The following PRKCH variants were observed in gnomAD, a reference collection of about 807,000 sequenced individuals.
The protein encoded by PRKCH is protein kinase C eta type.
Under a neutral mutation model 82.5 loss-of-function variants are expected in PRKCH, and 28 were observed. The observed-to-expected ratio is 0.34, with a 90% CI of 0.25 to 0.47. The LOEUF is 0.47. Ranked by LOEUF, PRKCH falls within the 20% of genes least tolerant of loss-of-function variation. PRKCH has a pLI of 1.00. For missense variants in PRKCH, 705 were observed against 881.8 expected (o/e 0.80, Z 2.54); for synonymous variants, 322 against 327.4 (o/e 0.98, Z 0.18).
At chr14:61,309,335 C>A (rs1054301429) in intron 1 of PRKCH, among the ~76,000 whole-genome samples, 3 of 152,034 alleles carry the variant, frequency 2.0e-5, no homozygotes, top group Non-Finnish European at 4.4e-5. Flanking sequence ...CAGGGTTGAG[C>A]CCCCTGCATA....
At chr14:61,386,453 A>T (rs575795279) in intron 1 of PRKCH, among the ~76,000 whole-genome samples, 1 of 152,288 alleles carries the variant, frequency 6.6e-6, no homozygotes, top group South Asian at 2.1e-4. Flanking sequence ...GTAGGAGTGG[A>T]GCAGGGGTAG....
intron 10 of PRKCH, among the ~76,000 whole-genome samples, chr14:61,522,257 A>G (rs1368247494): frequency 6.6e-6 from 1 of 151,946 alleles, no homozygotes; most frequent in Admixed American, 6.6e-5. Context: ...TCTCCTGGAT[A>G]CTCTAGTAGC....
At chr14:61,210,117 T>C (rs55707835) in intron 1 of PRKCH, among the ~76,000 whole-genome samples, 1 of 17,748 alleles carries the variant, frequency 5.6e-5, no homozygotes, top group African/African-American at 4.8e-4. Context: ...AACAAATATA[T>C]ATATATATAT....
chr14:61,426,910 C>T (rs577429694), intron 2 of PRKCH, among the ~76,000 whole-genome samples: 108 of 152,264 alleles, frequency 7.1e-4, no homozygotes, highest in African/African-American at 1.3e-3. Context: ...TGGGGAAATA[C>T]GTGCACTCTT....
At chr14:61,292,941 C>A (rs2045376756) in intron 1 of PRKCH, among the ~76,000 whole-genome samples, 1 of 151,900 alleles carries the variant, frequency 6.6e-6, no homozygotes, top group Non-Finnish European at 1.5e-5. Context: ...AAAATACCAC[C>A]AAGAAGGGAT....
At chr14:61,293,924 A>G (rs1429750133) in intron 1 of PRKCH, among the ~76,000 whole-genome samples, 2 of 152,134 alleles carry the variant, frequency 1.3e-5, no homozygotes, top group Admixed American at 1.3e-4. Context: ...TGAGTTTTAT[A>G]CTTTCCATGT....
intron 1 of PRKCH, among the ~76,000 whole-genome samples, chr14:61,296,957 TCA>T (rs1410678200): frequency 2.6e-5 from 4 of 152,246 alleles, no homozygotes; most frequent in African/African-American, 9.6e-5. Context: ...TGATTGTAAC[TCA>T]CATGACAATG....
chr14:61,293,367 G>T (rs1048306215), intron 1 of PRKCH, among the ~76,000 whole-genome samples: 3 of 152,184 alleles, frequency 2.0e-5, no homozygotes, highest in African/African-American at 7.2e-5. Flanking sequence ...CAAAGTACAG[G>T]CTTCTGAAGG....
At chr14:61,354,798 A>T (rs2046127822) in intron 1 of PRKCH, among the ~76,000 whole-genome samples, 1 of 152,230 alleles carries the variant, frequency 6.6e-6, no homozygotes, top group Admixed American at 6.5e-5. Flanking sequence ...TATTGTGTAC[A>T]TCTCAGAATA....
rs191834460 is a variant in PRKCH at position 61,409,871 on chromosome 14, G to A, written c.427+18583G>A. Among the ~76,000 whole-genome samples, 197 of 152,306 alleles carry A rather than the reference G, an allele frequency of 1.3e-3. 1 individual carries two copies. Among genetic ancestry groups the A allele is most frequent in the Admixed American group, 2.6e-3 (39 of 15,294 alleles). On this transcript the variant is annotated intron_variant, in intron 2 of 13. Coordinates refer to ENST00000332981, the MANE Select transcript of PRKCH (RefSeq NM_006255.5). ...GGCCAGCATTGTACATTGTCAGGCA[G>A]CATTGCCCCTGTCGTCTGCCTTTTC...
chr14:61,380,392 CCTT>C (rs150456938), intron 1 of PRKCH, among the ~76,000 whole-genome samples: 1,657 of 149,554 alleles, frequency 0.011, 21 homozygotes, highest in African/African-American at 0.038. Context: ...GCAGCCAACC[CCTT>C]CTTAGTTCTG....
At chr14:61,529,584 G>T (rs2043017455) in intron 11 of PRKCH, among the ~76,000 whole-genome samples, 1 of 151,664 alleles carries the variant, frequency 6.6e-6, no homozygotes, top group Non-Finnish European at 1.5e-5. Context: ...CATGAAAAAT[G>T]GTGAGTTCAT....
At chr14:61,278,798 G>A (rs2045226663) in intron 1 of PRKCH, 3 of 152,150 alleles carry the variant, frequency 2.0e-5, no homozygotes, top group South Asian at 2.1e-4. Context: ...TTAGTTGAGT[G>A]TAAACTTCAT....
At chr14:61,396,718 C>G (rs778776395) in intron 2 of PRKCH, among the ~76,000 whole-genome samples, 1 of 152,000 alleles carries the variant, frequency 6.6e-6, no homozygotes, top group East Asian at 1.9e-4. Flanking sequence ...GAGAGGGAGA[C>G]AGTTTGTACA....
chr14:61,524,285 A>G (rs2042940202), intron 10 of PRKCH, among the ~76,000 whole-genome samples: 1 of 152,234 alleles, frequency 6.6e-6, no homozygotes, highest in Non-Finnish European at 1.5e-5. Flanking sequence ...TACTGTGGGC[A>G]TTTTAAGTAA....
chr14:61,268,398 G>T (rs1417444994), intron 1 of PRKCH, among the ~76,000 whole-genome samples: 2 of 152,106 alleles, frequency 1.3e-5, no homozygotes, highest in Non-Finnish European at 2.9e-5. Flanking sequence ...GGGTGCGATG[G>T]CTCACACCTG....
Position 61,330,334 on chromosome 14 carries a change from C to G in PRKCH, c.363+7870C>G, listed in dbSNP as rs544602518. 3.3e-5 allele frequency among the ~76,000 whole-genome samples: 5 copies of G among 152,298 alleles called. No homozygotes were observed. In the East Asian group the frequency reaches 9.6e-4, roughly 29 times the overall value. ...AGGAACTTCTGACCTGATAATGTTTCCCAGAGGGACATCGCAGATGCCCTT... is the reference window on the plus strand; with the variant it reads ...AGGAACTTCTGACCTGATAATGTTTGCCAGAGGGACATCGCAGATGCCCTT... On this transcript the variant is annotated intron_variant, in intron 1 of 13. Coordinates refer to ENST00000332981, the MANE Select transcript of PRKCH (RefSeq NM_006255.5).
chr14:61,519,971 C>T (rs1219149712), intron 10 of PRKCH, among the ~76,000 whole-genome samples: 1 of 151,616 alleles, frequency 6.6e-6, no homozygotes, highest in Non-Finnish European at 1.5e-5. Context: ...TCCAACATTC[C>T]CTTGGAGCCT....
intron 10 of PRKCH, among the ~76,000 whole-genome samples, chr14:61,496,168 A>G (rs1025754227): frequency 6.6e-6 from 1 of 152,224 alleles, no homozygotes; most frequent in African/African-American, 2.4e-5. Context: ...TTTCTGCAAT[A>G]CAGAATGCTA....
Sources: gnomAD v4.1 joint callset for allele counts (sites outside exome capture counted in the v4.1 genomes callset) on GRCh38, gnomAD v4.1.1 for gene constraint, MANE v1.5 for transcripts, NCBI Gene and HGNC (gene_info 2026-07-23, HGNC 2026-07-21) for gene names.